FAM107B: variants seen among roughly 807,000 people sequenced by gnomAD.
FAM107B encodes protein FAM107B.
Under a neutral mutation model 31.5 loss-of-function variants are expected in FAM107B, and 21 were observed. The ratio of observed to expected loss-of-function variants is 0.67; its 90% CI spans 0.47 to 0.96. The LOEUF (loss-of-function observed/expected upper bound fraction) is 0.96, where lower values mean the gene tolerates loss of function less well. FAM107B is among the 40% of genes least tolerant of loss of function. The pLI, the probability that FAM107B is intolerant of heterozygous loss-of-function variation, is 0.00. For missense variants in FAM107B, 452 were observed against 377.1 expected, an observed-to-expected ratio of 1.20 and a Z score of -1.64; for synonymous variants, 157 against 141.5, an observed-to-expected ratio of 1.11 and a Z score of -0.78.
At chr10:14,639,746 C>T (rs1853586876) in intron 2 of FAM107B, among the ~76,000 whole-genome samples, 1 of 152,152 alleles carries the variant, frequency 6.6e-6, no homozygotes, top group African/African-American at 2.4e-5. Flanking sequence ...TCCATGACCT[C>T]ATTTACTCTT....
intron 1 of FAM107B, among the ~76,000 whole-genome samples, chr10:14,724,558 C>T (rs1215473991): frequency 1.3e-5 from 2 of 152,160 alleles, no homozygotes; most frequent in East Asian, 3.8e-4. Context: ...TAATGTGGTA[C>T]AGAACCCCAG....
intron 2 of FAM107B, among the ~76,000 whole-genome samples, chr10:14,629,791 C>T (rs1330476029): frequency 2.7e-5 from 4 of 150,622 alleles, no homozygotes; most frequent in African/African-American, 7.3e-5. Flanking sequence ...GGGATTACAG[C>T]GTGAGCCACC....
At chr10:14,570,236 GT>G (rs765352990) in intron 2 of FAM107B, among the ~76,000 whole-genome samples, 7,897 of 91,156 alleles carry the variant, frequency 0.087, 235 homozygotes, top group Non-Finnish European at 0.098. Context: ...TGTGGTGGGT[GT>G]GTGTGTGTGT....
chr10:14,556,489 C>T, intron 2 of FAM107B: 17 of 869,844 alleles, frequency 2.0e-5, no homozygotes, highest in Non-Finnish European at 2.3e-5. Context: ...AAGCCCCGAC[C>T]TAACGAGAGC....
chr10:14,732,466 C>T (rs998478691), intron 1 of FAM107B, among the ~76,000 whole-genome samples: 14 of 152,050 alleles, frequency 9.2e-5, no homozygotes, highest in African/African-American at 3.4e-4. Context: ...AGTAAGTGGC[C>T]TTATCTTCAA....
intron 2 of FAM107B, among the ~76,000 whole-genome samples, chr10:14,567,993 C>T (rs944709501): frequency 6.6e-6 from 1 of 152,214 alleles, no homozygotes; most frequent in Admixed American, 6.5e-5. Flanking sequence ...TCACTCAGCT[C>T]CGGCTGCCAT....
chr10:14,643,134 T>C (rs942625173), intron 2 of FAM107B, among the ~76,000 whole-genome samples: 11 of 152,138 alleles, frequency 7.2e-5, no homozygotes, highest in Non-Finnish European at 1.5e-4. Context: ...GACAGATAGA[T>C]AGCTTTATTA....
At chr10:14,744,464 G>GTA (rs1770863209) in intron 1 of FAM107B, among the ~76,000 whole-genome samples, 1 of 152,178 alleles carries the variant, frequency 6.6e-6, no homozygotes, top group Non-Finnish European at 1.5e-5. Flanking sequence ...TGCCCATTCA[G>GTA]TATAACATTG....
chr10:14,705,100 C>G (rs929182062), intron 1 of FAM107B, among the ~76,000 whole-genome samples: 1 of 150,154 alleles, frequency 6.7e-6, no homozygotes, highest in Admixed American at 6.6e-5. Context: ...TGCCAATAAG[C>G]TCATGGATTG....
chr10:14,690,158 T>C (rs749526838), intron 1 of FAM107B, among the ~76,000 whole-genome samples: 2 of 152,142 alleles, frequency 1.3e-5, no homozygotes, highest in Non-Finnish European at 2.9e-5. Flanking sequence ...ATGGGTTCCC[T>C]TGCCCTCTGG....
rs537658911 is a variant in FAM107B at position 14,583,565 on chromosome 10, T to C, written c.470-53050A>G. On this transcript the variant is annotated intron_variant, in intron 2 of 4. Coordinates refer to ENST00000181796, the MANE Select transcript of FAM107B (RefSeq NM_031453.4). ...GTGGCGTGGCTCTCCATTTTTAATT[T>C]TTTTAAAAAGTGGTCGCGGAAGTTG... is the stretch of plus-strand genomic sequence containing the variant. 9.2e-5 allele frequency among the ~76,000 whole-genome samples: 14 copies of C among 152,168 alleles called. No individual in the cohort carries two copies. The South Asian group carries it at 2.9e-3, about 32-fold the overall frequency.
At chr10:14,690,283 T>G (rs1855100550) in intron 1 of FAM107B, among the ~76,000 whole-genome samples, 1 of 152,170 alleles carries the variant, frequency 6.6e-6, no homozygotes, top group Admixed American at 6.5e-5. Flanking sequence ...AGATCAAGGC[T>G]CCTTTCAAGG....
intron 1 of FAM107B, 48 bp from the exon 2 acceptor site, chr10:14,667,739 A>T: frequency 6.3e-7 from 1 of 1,594,584 alleles, no homozygotes; most frequent in Non-Finnish European, 8.6e-7. Flanking sequence ...AAGTAAAAAT[A>T]TGCATTAATG....
chr10:14,677,514 G>T (rs1384798302), intron 1 of FAM107B, among the ~76,000 whole-genome samples: 1 of 152,098 alleles, frequency 6.6e-6, no homozygotes, highest in Non-Finnish European at 1.5e-5. Context: ...CCAGCTACTC[G>T]GCAGGCTGAG....
At chr10:14,709,092 T>C (rs1855582616) in intron 1 of FAM107B, among the ~76,000 whole-genome samples, 1 of 152,220 alleles carries the variant, frequency 6.6e-6, no homozygotes, top group Non-Finnish European at 1.5e-5. Context: ...CATTCTTTAC[T>C]GGTGAAATAC....
chr10:14,577,094 G>T (rs903859187), intron 2 of FAM107B, among the ~76,000 whole-genome samples: 3 of 152,180 alleles, frequency 2.0e-5, no homozygotes, highest in African/African-American at 2.4e-5. Context: ...TGCTTATGAT[G>T]AAATCTTACA....
intron 2 of FAM107B, among the ~76,000 whole-genome samples, chr10:14,630,660 CT>C (rs1421090346): frequency 1.3e-5 from 2 of 151,552 alleles, no homozygotes; most frequent in African/African-American, 4.9e-5. Context: ...AAATACCCCT[CT>C]AAAATAAAAA....
At chr10:14,687,138 A>G (rs1166113898) in intron 1 of FAM107B, among the ~76,000 whole-genome samples, 1 of 152,192 alleles carries the variant, frequency 6.6e-6, no homozygotes, top group Non-Finnish European at 1.5e-5. Context: ...TGTGCTTCCT[A>G]CTAATCCTTG....
intron 2 of FAM107B, among the ~76,000 whole-genome samples, chr10:14,552,821 TA>T (rs545859593): frequency 1.4e-3 from 203 of 147,422 alleles, no homozygotes; most frequent in African/African-American, 4.6e-3. Context: ...AAGACTCCAT[TA>T]AAAAAAAAAG....
Sources: gnomAD v4.1 joint callset for allele counts (sites outside exome capture counted in the v4.1 genomes callset) on GRCh38, gnomAD v4.1.1 for gene constraint, MANE v1.5 for transcripts, NCBI Gene and HGNC (gene_info 2026-07-23, HGNC 2026-07-21) for gene names.